PCDHGA6: variants seen among roughly 807,000 people sequenced by gnomAD.
PCDHGA6 encodes protocadherin gamma-A6.
In PCDHGA6, 41 loss-of-function variants were observed where a neutral mutation model predicts 60.6. The observed-to-expected ratio is 0.68, with a 90% CI of 0.53 to 0.88. PCDHGA6 has a LOEUF of 0.88. PCDHGA6 is among the 40% of genes least tolerant of loss of function. PCDHGA6 has a pLI of 0.00. For synonymous variants in PCDHGA6, 594 were observed against 524.4 expected, an observed-to-expected ratio of 1.13 and a Z score of -1.81; for missense variants, 1,312 against 1,203.0, an observed-to-expected ratio of 1.09 and a Z score of -1.34.
In PCDHGA6 at chr5:141,414,837, G is replaced by C. The variant is rs776651290; in HGVS notation, c.2424+38330G>C. On this transcript the variant is annotated intron_variant, in intron 1 of 3. Coordinates refer to ENST00000517434, the MANE Select transcript of PCDHGA6 (RefSeq NM_018919.3). ...TCAGCAGCAACGTGTCGTTGAGCCT[G>C]TTTGTGCTGGACCAGAACGACAATG... The C allele has an allele frequency of 2.4e-5, 38 of 1,614,232 alleles. No homozygotes were observed. In the Admixed American group the frequency reaches 5.8e-4, roughly 25 times the overall value.
At chr5:141,384,974 AC>A (rs1780722542) in intron 1 of PCDHGA6, 1 of 1,613,712 alleles carries the variant, frequency 6.2e-7, no homozygotes, top group Non-Finnish European at 8.5e-7. Context: ...CTCACGTTGT[AC>A]CTGGTGGTGG....
At chr5:141,422,886 G>A in intron 1 of PCDHGA6, 1 of 1,614,260 alleles carries the variant, frequency 6.2e-7, no homozygotes, top group Non-Finnish European at 8.5e-7. Flanking sequence ...GCCTGTTCGT[G>A]CTGGACCAGA....
intron 1 of PCDHGA6, chr5:141,419,435 C>CGCACCT (rs2096383167): frequency 6.2e-7 from 1 of 1,613,108 alleles, no homozygotes; most frequent in Admixed American, 1.7e-5. Context: ...CGAGCAGCTG[C>CGCACCT]GCACCTTCGA....
chr5:141,455,738 A>G (rs896060095), intron 1 of PCDHGA6, among the ~76,000 whole-genome samples: 2 of 152,140 alleles, frequency 1.3e-5, no homozygotes, highest in Non-Finnish European at 2.9e-5. Flanking sequence ...TTGCATATCA[A>G]AGGTTGCTGG....
chr5:141,491,110 C>T lies in PCDHGA6; in HGVS notation c.2425-3697C>T. On this transcript the variant is annotated intron_variant, in intron 1 of 3. Transcript: ENST00000517434. This position sits in a 1 kb window ranked among gnomAD's most constrained non-coding sequence, Gnocchi z 6.9. ...CCCAGGACTGTTCCTCGTGTCTACA[C>T]ACACTGGTGAGGTGCGCACAGCCCG... 3.7e-6 allele frequency: 6 copies of T among 1,614,212 alleles called. No individual in the cohort carries two copies. Among genetic ancestry groups the T allele is most frequent in the Non-Finnish European group, 5.1e-6 (6 of 1,180,024 alleles).
chr5:141,388,430 TAAAG>T (rs2091357990), intron 1 of PCDHGA6: 1 of 1,613,634 alleles, frequency 6.2e-7, no homozygotes, highest in South Asian at 1.1e-5. Context: ...CACTGATAAA[TAAAG>T]AGAAATCAGA....
chr5:141,381,720 T>G (rs1777381403), intron 1 of PCDHGA6, among the ~76,000 whole-genome samples: 1 of 152,132 alleles, frequency 6.6e-6, no homozygotes, highest in Non-Finnish European at 1.5e-5. Context: ...CTCACAAGAC[T>G]GGGAGTGAGA....
rs566370523 is a variant in PCDHGA6 at position 141,375,541 on chromosome 5, A to G, written c.1458A>G (p.Gln486=). The G allele has an allele frequency of 1.2e-6, 2 of 1,613,786 alleles. No homozygotes were observed. Among genetic ancestry groups the G allele is most frequent in the South Asian group, 2.2e-5 (2 of 91,078 alleles). Residue 486 remains glutamine, a synonymous_variant, in exon 1 of 4, where the codon CAA becomes CAG. Coordinates refer to ENST00000517434, the MANE Select transcript of PCDHGA6 (RefSeq NM_018919.3). ...ACCCTGACGTGGACCAGAACGCCCA[A>G]GTCTCCTACTCACTGGCAGAAGACA... ...ALDPDVDQNA[Q]VSYSLAEDTL...
intron 1 of PCDHGA6, chr5:141,409,138 A>T: frequency 6.2e-7 from 1 of 1,614,046 alleles, no homozygotes; most frequent in South Asian, 1.1e-5. Context: ...TTGAAGATGT[A>T]GAAAGGTACA....
chr5:141,375,017 T>TC lies in PCDHGA6; in HGVS notation c.935dup (p.Ser313GlufsTer4), dbSNP rs772354381. The TC allele has an allele frequency of 6.2e-6, 10 of 1,614,032 alleles. No individual in the cohort carries two copies. The South Asian group carries it at 1.1e-4, about 18-fold the overall frequency. The stretch of plus-strand genomic sequence containing the variant: ...TTCTGCAAATCTAGACTATGAGGAC[T>TC]CGAGTTTTTATGAGCTGGGTGTTGA... On this transcript the variant is annotated frameshift_variant, in exon 1 of 4. Transcript: ENST00000517434. LOFTEE classifies it high-confidence loss of function.
rs765249445 is a variant in PCDHGA6, at chr5:141,489,754, C to T, written c.2425-5053C>T. ...CACCAATACTGTGAGCTTTTACACT[C>T]TAAGCCCCAACAGCCACTTCTCTCT... is the stretch of plus-strand genomic sequence containing the variant. On this transcript the variant is annotated intron_variant, in intron 1 of 3. Coordinates refer to ENST00000517434, the MANE Select transcript of PCDHGA6 (RefSeq NM_018919.3). The surrounding 1 kb of genome is among the most constrained non-coding windows in gnomAD (Gnocchi z 4.5). The T allele has an allele frequency of 4.0e-5, 64 of 1,613,992 alleles. No individual in the cohort carries two copies. The South Asian group carries it at 6.8e-4, about 17-fold the overall frequency.
chr5:141,422,222 C>A (rs1453283842), intron 1 of PCDHGA6: 2 of 1,564,972 alleles, frequency 1.3e-6, no homozygotes, highest in South Asian at 1.2e-5. Flanking sequence ...TTTACCACCA[C>A]GACGATGTTG....
At chr5:141,383,733 A>T (rs770047743) in intron 1 of PCDHGA6, 2 of 1,613,886 alleles carry the variant, frequency 1.2e-6, no homozygotes, top group African/African-American at 2.7e-5. Context: ...GGGAAGTGAC[A>T]TATTCTTTTC....
rs1467021613 is a variant in PCDHGA6, at chr5:141,375,673, G to A, written c.1590G>A (p.Leu530=). 1 of 1,614,248 alleles carries A rather than the reference G, an allele frequency of 6.2e-7. No individual in the cohort carries two copies. The part of the protein sequence containing the change: ...FDYEQLRDLQ[L]WVTASDSGDP... ...ATGAGCAGTTGAGAGACCTACAGCT[G>A]TGGGTGACAGCCAGCGACAGCGGGG... The change falls in exon 1 of 4, where the codon CTG becomes CTA. Residue 530 remains leucine (L), a synonymous_variant. Transcript: ENST00000517434.
At chr5:141,404,524 G>A (rs368795324) in intron 1 of PCDHGA6, 2 of 1,613,820 alleles carry the variant, frequency 1.2e-6, no homozygotes, top group African/African-American at 1.3e-5. Context: ...ACTATGAGCA[G>A]TTTAGAGATT....
Position 141,374,318 on chromosome 5 carries a change from C to G in PCDHGA6, c.235C>G (p.Pro79Ala), listed in dbSNP as rs773144400. Residue 79 changes from proline to alanine, a missense_variant, in exon 1 of 4, where the codon CCG (proline) becomes GCG (alanine). Coordinates refer to ENST00000517434, the MANE Select transcript of PCDHGA6 (RefSeq NM_018919.3). ...RGRMQLFSLN[P>A]RNGSLVTAGR... ...TAGGATGCAGCTTTTCTCTCTGAAT[C>G]CGCGAAACGGCAGCTTGGTCACCGC... The G allele has an allele frequency of 1.2e-6, 2 of 1,613,996 alleles. No individual in the cohort carries two copies. Among genetic ancestry groups the G allele is most frequent in the South Asian group, 2.2e-5 (2 of 91,088 alleles).
chr5:141,395,819 T>A (rs2093315125), intron 1 of PCDHGA6: 1 of 152,210 alleles, frequency 6.6e-6, no homozygotes, highest in Admixed American at 6.5e-5. Context: ...ATGAACAAAC[T>A]TTAAAGATGG....
intron 1 of PCDHGA6, chr5:141,409,177 T>C: frequency 3.1e-6 from 5 of 1,613,944 alleles, no homozygotes; most frequent in Non-Finnish European, 4.2e-6. Context: ...AGGACGGAGG[T>C]GGTCTCTCTA....
At chr5:141,392,644 A>C in intron 1 of PCDHGA6, 1 of 663,560 alleles carries the variant, frequency 1.5e-6, no homozygotes, top group Non-Finnish European at 2.4e-6. Flanking sequence ...CACCTCACGA[A>C]GACCCGCAGA....
Sources: allele counts gnomAD v4.1 joint callset (sites outside exome capture counted in the v4.1 genomes callset), GRCh38; gene constraint gnomAD v4.1.1; non-coding constraint Gnocchi (gnomAD v3.1); transcripts MANE v1.5; gene names NCBI Gene and HGNC (gene_info 2026-07-23, HGNC 2026-07-21).